Variants in FRMD5 observed in about 807,000 individuals in gnomAD.
FRMD5 encodes FERM domain containing 5, also known as FERM domain-containing protein 5.
Under a neutral mutation model 69.0 loss-of-function variants are expected in FRMD5, and 20 were observed. That is an observed-to-expected ratio of 0.29 (90% confidence interval 0.20 to 0.42). FRMD5 has a LOEUF of 0.42. FRMD5 is among the 10% of genes least tolerant of loss of function. The pLI is 1.00. For synonymous variants in FRMD5, 271 were observed against 260.1 expected, an observed-to-expected ratio of 1.04 and a Z score of -0.40; for missense variants, 595 against 708.6, an observed-to-expected ratio of 0.84 and a Z score of 1.82.
At chr15:43,943,823 G>C (rs1021406449) in intron 1 of FRMD5, among the ~76,000 whole-genome samples, 10 of 152,216 alleles carry the variant, frequency 6.6e-5, no homozygotes, top group Admixed American at 6.5e-4. Context: ...CCAGAACTAT[G>C]ACAGAATAAA....
At chr15:44,188,867 G>A (rs905729170) in intron 1 of FRMD5, among the ~76,000 whole-genome samples, 1 of 152,066 alleles carries the variant, frequency 6.6e-6, no homozygotes, top group Admixed American at 6.6e-5. Flanking sequence ...AGGCACTTCT[G>A]GAGTGGTCCA....
chr15:44,050,049 TTTTAG>T (rs1488785418), intron 1 of FRMD5, among the ~76,000 whole-genome samples: 1 of 152,196 alleles, frequency 6.6e-6, no homozygotes, highest in Non-Finnish European at 1.5e-5. Flanking sequence ...CCACAATAAA[TTTTAG>T]TTTAGTGAAT....
In FRMD5 at chr15:43,872,198, G is replaced by A. The variant is rs2088177593; in HGVS notation, c.*1687C>T. The A allele has an allele frequency of 6.6e-6, 1 of 152,056 alleles. No individual in the cohort carries two copies. The highest frequency in any genetic ancestry group is 1.5e-5 in the Non-Finnish European group (1 of 68,036). The allele number at this position is 152,056 out of a possible 1,614,324, so 9.4% of individuals were successfully genotyped here. ...TGACCTCTGGTCCAGATGAAAGGATGTCTTTAAAATTATGCAAATCTCTCC... is the reference window on the plus strand; with the variant it reads ...TGACCTCTGGTCCAGATGAAAGGATATCTTTAAAATTATGCAAATCTCTCC... On this transcript the variant is annotated 3_prime_UTR_variant, in exon 14 of 14. Transcript: ENST00000417257.
chr15:44,145,988 A>G (rs1362660355), intron 1 of FRMD5, among the ~76,000 whole-genome samples: 1 of 152,170 alleles, frequency 6.6e-6, no homozygotes, highest in African/African-American at 2.4e-5. Flanking sequence ...CTGAGAATGG[A>G]ATTGAACTTT....
intron 1 of FRMD5, among the ~76,000 whole-genome samples, chr15:44,148,874 G>A (rs1355741898): frequency 6.6e-6 from 1 of 152,098 alleles, no homozygotes; most frequent in African/African-American, 2.4e-5. Context: ...AGGTGTACCT[G>A]TAAATACCTG....
chr15:43,945,653 A>ATT (rs1470340199), intron 1 of FRMD5, among the ~76,000 whole-genome samples: 1 of 152,094 alleles, frequency 6.6e-6, no homozygotes, highest in Admixed American at 6.6e-5. Context: ...CATGCATCCC[A>ATT]CTGTAAATGT....
intron 13 of FRMD5, chr15:43,879,601 G>C: frequency 2.5e-6 from 1 of 398,958 alleles, no homozygotes. Flanking sequence ...CTTAGGGGCC[G>C]AAAGCAGTGA....
chr15:44,036,265 T>C (rs1891905486), intron 1 of FRMD5, among the ~76,000 whole-genome samples: 1 of 152,152 alleles, frequency 6.6e-6, no homozygotes, highest in South Asian at 2.1e-4. Context: ...CTCAAGTTTT[T>C]TCTTTTTTCA....
At chr15:43,973,411 G>T (rs1391373368) in intron 1 of FRMD5, among the ~76,000 whole-genome samples, 1 of 151,336 alleles carries the variant, frequency 6.6e-6, no homozygotes, top group African/African-American at 2.4e-5. Context: ...TATCTCACAG[G>T]CTGGAGTGCA....
At chr15:44,165,137 G>T (rs1300635498) in intron 1 of FRMD5, among the ~76,000 whole-genome samples, 2 of 152,182 alleles carry the variant, frequency 1.3e-5, no homozygotes, top group Non-Finnish European at 2.9e-5. Flanking sequence ...AACCAAAGTC[G>T]GCCAGGAGCG....
chr15:43,928,558 G>C (rs2089624518), intron 1 of FRMD5, among the ~76,000 whole-genome samples: 1 of 152,190 alleles, frequency 6.6e-6, no homozygotes, highest in Non-Finnish European at 1.5e-5. Flanking sequence ...AAGATTTTAG[G>C]AATTTTACAA....
chr15:43,999,412 C>T (rs1452011322), intron 1 of FRMD5, among the ~76,000 whole-genome samples: 1 of 152,142 alleles, frequency 6.6e-6, no homozygotes, highest in African/African-American at 2.4e-5. Context: ...TACATTCACA[C>T]TGTTGTGCGA....
rs1314144098 is a variant in FRMD5 at position 43,874,073 on chromosome 15, T to C, written c.1525A>G (p.Met509Val). 2.5e-6 allele frequency: 4 copies of C among 1,614,236 alleles called. No homozygotes were observed. The highest frequency in any genetic ancestry group is 1.7e-5 in the Admixed American group (1 of 60,032). ...LSVLRLLLVT[M>V]GLLFVLLLLL... ...AGGAGCAAAACAAAGAGGAGTCCCA[T>C]GGTCACAAGGAGCAAACGGAGGACA... is the stretch of plus-strand genomic sequence containing the variant. Residue 509 changes from methionine (M) to valine (V), a missense_variant, in exon 14 of 14, where the codon ATG (methionine) becomes GTG (valine). By Grantham distance (21) the Met-to-Val change is conservative. Coordinates refer to ENST00000417257, the MANE Select transcript of FRMD5 (RefSeq NM_032892.5).
intron 1 of FRMD5, among the ~76,000 whole-genome samples, chr15:44,049,325 T>C (rs1173280534): frequency 6.6e-6 from 1 of 152,144 alleles, no homozygotes; most frequent in African/African-American, 2.4e-5. Flanking sequence ...AGCTTCAAAG[T>C]AGCTTAAAGA....
chr15:44,059,586 A>G (rs979913311), intron 1 of FRMD5, among the ~76,000 whole-genome samples: 4 of 152,120 alleles, frequency 2.6e-5, no homozygotes, highest in African/African-American at 4.8e-5. Context: ...ATCTTGGCTC[A>G]TTGCAACCTC....
intron 1 of FRMD5, among the ~76,000 whole-genome samples, chr15:44,091,840 C>T (rs2076478095): frequency 6.6e-6 from 1 of 151,770 alleles, no homozygotes; most frequent in Non-Finnish European, 1.5e-5. Context: ...TGTGTGCTGC[C>T]TGAGCCTCTA....
At chr15:44,010,888 T>C (rs2412852) in intron 1 of FRMD5, among the ~76,000 whole-genome samples, 126,005 of 151,978 alleles carry the variant, frequency 0.83, 54,871 homozygotes, top group Non-Finnish European at 0.95. Flanking sequence ...AAAAAAAAAA[T>C]GCTTCAGTGG....
intron 1 of FRMD5, among the ~76,000 whole-genome samples, chr15:44,115,389 A>G (rs1397759461): frequency 6.6e-6 from 1 of 152,180 alleles, no homozygotes; most frequent in African/African-American, 2.4e-5. Context: ...TTAATCTTGG[A>G]TCAACTTGCA....
intron 1 of FRMD5, among the ~76,000 whole-genome samples, chr15:43,927,660 A>G (rs187986740): frequency 2.0e-5 from 3 of 152,208 alleles, no homozygotes; most frequent in Admixed American, 1.3e-4. Context: ...AGACAGTAGC[A>G]TATTTTCATT....
Sources: allele counts gnomAD v4.1 joint callset (sites outside exome capture counted in the v4.1 genomes callset), GRCh38; gene constraint gnomAD v4.1.1; transcripts MANE v1.5; gene names NCBI Gene and HGNC (gene_info 2026-07-23, HGNC 2026-07-21).